The following KIF16B variants were observed in gnomAD, a reference collection of about 807,000 sequenced individuals.
KIF16B encodes kinesin family member 16B, also known as kinesin-like protein KIF16B.
In KIF16B, 98 loss-of-function variants were observed where a neutral mutation model predicts 156.3. That is an observed-to-expected ratio of 0.63 (90% CI 0.53 to 0.74). The LOEUF (loss-of-function observed/expected upper bound fraction) is 0.74, where lower values mean the gene tolerates loss of function less well. Ranked by LOEUF, KIF16B falls within the 30% of genes least tolerant of loss-of-function variation. KIF16B has a pLI of 0.00. For synonymous variants in KIF16B, 564 were observed against 583.7 expected (o/e 0.97, Z 0.49); for missense variants, 1,421 against 1,606.5 (o/e 0.88, Z 1.97).
intron 25 of KIF16B, among the ~76,000 whole-genome samples, chr20:16,274,842 G>C (rs143966175): frequency 6.6e-6 from 1 of 152,318 alleles, no homozygotes; most frequent in East Asian, 1.9e-4. Context: ...GTTGAGAAGA[G>C]AAAGTAGAAT....
At chr20:16,488,436 A>G (rs1035164956) in intron 12 of KIF16B, among the ~76,000 whole-genome samples, 4 of 152,260 alleles carry the variant, frequency 2.6e-5, no homozygotes, top group African/African-American at 9.6e-5. Flanking sequence ...ACGCTGGAAC[A>G]GAGAAACCAA....
intron 25 of KIF16B, among the ~76,000 whole-genome samples, chr20:16,290,563 G>A (rs957834851): frequency 1.3e-5 from 2 of 151,790 alleles, no homozygotes; most frequent in Non-Finnish European, 1.5e-5. Flanking sequence ...TTCTCTGGAC[G>A]AGGGGTGCCT....
chr20:16,501,704 G>GAC (rs1379308446), intron 10 of KIF16B, among the ~76,000 whole-genome samples: 1 of 152,148 alleles, frequency 6.6e-6, no homozygotes, highest in African/African-American at 2.4e-5. Context: ...CAGCATGGGT[G>GAC]ACTCTCACAA....
intron 12 of KIF16B, among the ~76,000 whole-genome samples, chr20:16,473,013 T>G (rs998834050): frequency 6.6e-6 from 1 of 152,198 alleles, no homozygotes; most frequent in Non-Finnish European, 1.5e-5. Flanking sequence ...AAGACAGGTT[T>G]TTTTAGCAGA....
chr20:16,566,577 A>T (rs936491166), intron 1 of KIF16B, among the ~76,000 whole-genome samples: 1 of 152,202 alleles, frequency 6.6e-6, no homozygotes, highest in African/African-American at 2.4e-5. Context: ...ATGCTACCTC[A>T]TTAAATTACC....
chr20:16,313,258 A>G (rs1452912515), intron 24 of KIF16B, among the ~76,000 whole-genome samples: 1 of 152,168 alleles, frequency 6.6e-6, no homozygotes, highest in Non-Finnish European at 1.5e-5. Flanking sequence ...GAAGCCAATG[A>G]AGCATTACCA....
chr20:16,383,177 C>T (rs1182287840), intron 17 of KIF16B, among the ~76,000 whole-genome samples: 1 of 152,072 alleles, frequency 6.6e-6, no homozygotes, highest in African/African-American at 2.4e-5. Flanking sequence ...TCTTACATGG[C>T]AGGTGCTGTG....
In KIF16B at chr20:16,307,760, T is replaced by C. The variant is rs1181048236; in HGVS notation, c.3795+4575A>G. On this transcript the variant is annotated intron_variant, in intron 25 of 25. Coordinates refer to ENST00000354981, the MANE Select transcript of KIF16B (RefSeq NM_024704.5). ...ATTGTGCCAAAGTACTGGTAAGTGATGGAATTAAGTACCTGGTCCTTTACC... is the reference window on the plus strand; with the variant it reads ...ATTGTGCCAAAGTACTGGTAAGTGACGGAATTAAGTACCTGGTCCTTTACC... 3.3e-5 allele frequency among the ~76,000 whole-genome samples: 5 copies of C among 152,302 alleles called. No homozygotes were observed. The South Asian group carries it at 6.2e-4, about 19-fold the overall frequency.
At chr20:16,485,432 T>C (rs1038034833) in intron 12 of KIF16B, among the ~76,000 whole-genome samples, 2 of 152,256 alleles carry the variant, frequency 1.3e-5, no homozygotes, top group Non-Finnish European at 2.9e-5. Context: ...ACACTTCCTA[T>C]TTATAAAGAG....
intron 12 of KIF16B, among the ~76,000 whole-genome samples, chr20:16,441,855 T>A (rs1331626031): frequency 6.6e-6 from 1 of 152,198 alleles, no homozygotes; most frequent in Non-Finnish European, 1.5e-5. Flanking sequence ...ACATTAGGGA[T>A]ATATCAGTGA....
At chr20:16,561,271 G>A (rs2071050334) in intron 1 of KIF16B, among the ~76,000 whole-genome samples, 1 of 152,114 alleles carries the variant, frequency 6.6e-6, no homozygotes. Flanking sequence ...TCCAGCCTGG[G>A]CCACAGAGCA....
intron 22 of KIF16B, chr20:16,367,385 C>G (rs1345379743): frequency 6.2e-7 from 1 of 1,612,766 alleles, no homozygotes; most frequent in Non-Finnish European, 8.5e-7. Context: ...TCTGGAACAA[C>G]AACACACCTG....
chr20:16,287,205 T>G (rs1462461477), intron 25 of KIF16B, among the ~76,000 whole-genome samples: 4 of 152,248 alleles, frequency 2.6e-5, no homozygotes, highest in African/African-American at 4.8e-5. Context: ...GAAAAAAGTT[T>G]CTTTGGTTTC....
At chr20:16,466,373 G>A (rs1023376216) in intron 12 of KIF16B, among the ~76,000 whole-genome samples, 9 of 152,232 alleles carry the variant, frequency 5.9e-5, no homozygotes, top group African/African-American at 2.2e-4. Context: ...GTGGTGATAT[G>A]GTTTGGCTGT....
At chr20:16,423,399 G>A (rs775319247) in intron 15 of KIF16B, among the ~76,000 whole-genome samples, 1 of 152,056 alleles carries the variant, frequency 6.6e-6, no homozygotes, top group Non-Finnish European at 1.5e-5. Flanking sequence ...AATACTACAA[G>A]AGTGACACAA....
Position 16,573,317 on chromosome 20 carries a change from G to C in KIF16B, c.-42C>G, listed in dbSNP as rs1352876904. The C allele has an allele frequency of 6.2e-7, 1 of 1,604,386 alleles. No homozygotes were observed. The highest frequency in any genetic ancestry group is 1.3e-5 in the African/African-American group (1 of 74,592). On this transcript the variant is annotated 5_prime_UTR_variant, in exon 1 of 26. Transcript: ENST00000354981. ...GCCCGCGCGGGGTCCCACTAGCCCA[G>C]AACTCCGCGGTCGCCGGCGACGCTG... is the stretch of plus-strand genomic sequence containing the variant.
intron 15 of KIF16B, among the ~76,000 whole-genome samples, chr20:16,407,479 G>A (rs1479764964): frequency 2.6e-5 from 4 of 152,134 alleles, no homozygotes; most frequent in South Asian, 2.1e-4. Context: ...ATTAAGTGAC[G>A]AGTGGAGCCT....
At chr20:16,280,044 T>A (rs2063122986) in intron 25 of KIF16B, among the ~76,000 whole-genome samples, 1 of 152,362 alleles carries the variant, frequency 6.6e-6, no homozygotes, top group Non-Finnish European at 1.5e-5. Context: ...AAGGTCATTA[T>A]ATTACTATGA....
At chr20:16,398,357 C>A (rs1046661412) in intron 17 of KIF16B, among the ~76,000 whole-genome samples, 4 of 152,158 alleles carry the variant, frequency 2.6e-5, no homozygotes, top group Admixed American at 2.0e-4. Flanking sequence ...TTGGAAGTCA[C>A]CACCTGGTAG....
Sources: gnomAD v4.1 joint callset for allele counts (sites outside exome capture counted in the v4.1 genomes callset) on GRCh38, gnomAD v4.1.1 for gene constraint, MANE v1.5 for transcripts, NCBI Gene and HGNC (gene_info 2026-07-23, HGNC 2026-07-21) for gene names.